Variants in INPP4B observed in about 807,000 individuals in gnomAD.
INPP4B encodes inositol polyphosphate 4-phosphatase type II.
Under a neutral mutation model 122.5 loss-of-function variants are expected in INPP4B, and 55 were observed. The ratio of observed to expected loss-of-function variants is 0.45; its 90% CI spans 0.36 to 0.56. The LOEUF is 0.56. Ranked by LOEUF, INPP4B falls within the 20% of genes least tolerant of loss-of-function variation. The pLI is 0.00. For synonymous variants in INPP4B, 403 were observed against 388.7 expected (o/e 1.04, Z -0.43); for missense variants, 1,000 against 1,097.7 (o/e 0.91, Z 1.26).
At chr4:142,333,035 A>T (rs1379239183) in intron 7 of INPP4B, among the ~76,000 whole-genome samples, 1 of 151,294 alleles carries the variant, frequency 6.6e-6, no homozygotes, top group Admixed American at 6.6e-5. Context: ...AAACAAAAAA[A>T]AAACCTTCTA....
intron 1 of INPP4B, among the ~76,000 whole-genome samples, chr4:142,750,896 A>G (rs1012420540): frequency 1.3e-5 from 2 of 152,142 alleles, no homozygotes; most frequent in Non-Finnish European, 1.5e-5. Flanking sequence ...TGTGAAACAC[A>G]TGGGATAACC....
chr4:142,484,165 G>T (rs1405743794), intron 2 of INPP4B, among the ~76,000 whole-genome samples: 1 of 151,992 alleles, frequency 6.6e-6, no homozygotes, highest in East Asian at 1.9e-4. Context: ...GGAAACGAAA[G>T]CTGTAGAAGA....
intron 2 of INPP4B, among the ~76,000 whole-genome samples, chr4:142,700,439 A>C (rs1243906500): frequency 6.6e-6 from 1 of 152,190 alleles, no homozygotes; most frequent in African/African-American, 2.4e-5. Flanking sequence ...CCTTCAACTC[A>C]ATCTATAGGA....
chr4:142,159,145 T>A (rs1021712094), intron 17 of INPP4B, among the ~76,000 whole-genome samples: 4 of 151,940 alleles, frequency 2.6e-5, no homozygotes, highest in Admixed American at 6.6e-5. Flanking sequence ...TGTAACATGG[T>A]AAATCATTGA....
intron 9 of INPP4B, among the ~76,000 whole-genome samples, chr4:142,294,515 A>G (rs1757734504): frequency 6.6e-6 from 1 of 152,080 alleles, no homozygotes; most frequent in African/African-American, 2.4e-5. Context: ...GACAAGGGAT[A>G]TAAAAAAATG....
At chr4:142,580,691 C>T (rs1378696828) in intron 2 of INPP4B, among the ~76,000 whole-genome samples, 1 of 151,960 alleles carries the variant, frequency 6.6e-6, no homozygotes, top group African/African-American at 2.4e-5. Context: ...ACCTCCACCC[C>T]CAAAATGCCT....
At chr4:142,417,169 C>T (rs1805946710) in intron 5 of INPP4B, among the ~76,000 whole-genome samples, 1 of 152,156 alleles carries the variant, frequency 6.6e-6, no homozygotes, top group Admixed American at 6.5e-5. Context: ...AAGTAGAAAG[C>T]TTCAGAGCCC....
chr4:142,055,539 T>C (rs1039015003), intron 25 of INPP4B, among the ~76,000 whole-genome samples: 3 of 152,120 alleles, frequency 2.0e-5, no homozygotes, highest in Non-Finnish European at 4.4e-5. Flanking sequence ...ACTACAAAAG[T>C]GAAATTAAGC....
intron 3 of INPP4B, among the ~76,000 whole-genome samples, chr4:142,435,338 CT>C (rs1196114865): frequency 1.3e-5 from 2 of 151,992 alleles, no homozygotes; most frequent in Non-Finnish European, 2.9e-5. Flanking sequence ...AAAAAAAGTC[CT>C]TTCAATAAGA....
At chr4:142,319,918 A>G (rs1769347038) in intron 7 of INPP4B, among the ~76,000 whole-genome samples, 1 of 152,222 alleles carries the variant, frequency 6.6e-6, no homozygotes, top group East Asian at 1.9e-4. Flanking sequence ...TCCAGGCATG[A>G]TATGGCTGGA....
At position 142,611,525 on chromosome 4, in the gene INPP4B, C is replaced by T. The variant is rs544233889; in HGVS notation, c.-191+114314G>A. ...TTTTATCTGGCCTAACATTAAAATA[C>T]ATATATCTTTTATTTTTTCGTTTGT... is the stretch of plus-strand genomic sequence containing the variant. On this transcript the variant is annotated intron_variant, in intron 2 of 25. Transcript: ENST00000262992. Among the ~76,000 whole-genome samples, 3 of 149,904 alleles carry T rather than the reference C, an allele frequency of 2.0e-5. No homozygotes were observed. The South Asian group carries it at 6.4e-4, about 32-fold the overall frequency.
chr4:142,224,865 C>T (rs978711786), intron 12 of INPP4B, among the ~76,000 whole-genome samples: 16 of 151,884 alleles, frequency 1.1e-4, no homozygotes, highest in South Asian at 8.3e-4. Context: ...CAAGATAAGG[C>T]GCGTGTATTC....
chr4:142,542,434 T>A (rs1829046091), intron 2 of INPP4B, among the ~76,000 whole-genome samples: 1 of 152,164 alleles, frequency 6.6e-6, no homozygotes, highest in Non-Finnish European at 1.5e-5. Flanking sequence ...AGTGAATAAA[T>A]CATCTCATTA....
chr4:142,260,547 T>C lies in INPP4B; in HGVS notation c.633A>G (p.Glu211=). The C allele has an allele frequency of 3.7e-6, 6 of 1,603,524 alleles. No individual in the cohort carries two copies. Among genetic ancestry groups the C allele is most frequent in the Non-Finnish European group, 5.1e-6 (6 of 1,174,952 alleles). ...VQGQKCALVC[E]CTAPESVSGK... ...CGCTCACACTTTCCGGGGCTGTACA[T>C]TCACATACCAGGGCACACTAGGAAA... The change falls in exon 11 of 26, where the codon GAA becomes GAG. Residue 211 remains glutamate, a synonymous_variant. Transcript: ENST00000262992.
chr4:142,703,967 G>A (rs537847155), intron 2 of INPP4B, among the ~76,000 whole-genome samples: 88 of 152,278 alleles, frequency 5.8e-4, no homozygotes, highest in African/African-American at 1.9e-3. Flanking sequence ...AACTAGCCAG[G>A]AGCAAGGACT....
intron 12 of INPP4B, among the ~76,000 whole-genome samples, chr4:142,220,511 T>C (rs1455202310): frequency 6.6e-6 from 1 of 152,220 alleles, no homozygotes; most frequent in Non-Finnish European, 1.5e-5. Context: ...TAACAATTCA[T>C]TGAAATAGGC....
chr4:142,474,294 GTCCCAGGAGACA>G (rs1324640911), intron 2 of INPP4B: 1 of 152,252 alleles, frequency 6.6e-6, no homozygotes, highest in Non-Finnish European at 1.5e-5. Context: ...GCCTCCTGTT[GTCCCAGGAGACA>G]TTCAGACAGC....
intron 5 of INPP4B, among the ~76,000 whole-genome samples, chr4:142,413,800 T>G (rs996762057): frequency 1.2e-4 from 18 of 152,136 alleles, no homozygotes; most frequent in African/African-American, 4.1e-4. Context: ...AACCAATAGC[T>G]TAGTATTCAG....
chr4:142,049,992 A>G (rs1260439527), intron 25 of INPP4B, among the ~76,000 whole-genome samples: 1 of 152,036 alleles, frequency 6.6e-6, no homozygotes, highest in Non-Finnish European at 1.5e-5. Context: ...AAAACAATCA[A>G]CTAAAGGCCT....
Sources: gnomAD v4.1 joint callset for allele counts (sites outside exome capture counted in the v4.1 genomes callset) on GRCh38, gnomAD v4.1.1 for gene constraint, MANE v1.5 for transcripts, NCBI Gene and HGNC (gene_info 2026-07-23, HGNC 2026-07-21) for gene names.